The following AGO1 variants were observed in gnomAD, a reference collection of about 807,000 sequenced individuals.
AGO1 encodes protein argonaute-1.
A neutral mutation model predicts 109.2 loss-of-function variants in AGO1; 11 were observed. That is an observed-to-expected ratio of 0.10 (90% CI 0.06 to 0.17). The LOEUF (loss-of-function observed/expected upper bound fraction) is 0.17, where lower values mean the gene tolerates loss of function less well. Among genes scored for constraint, AGO1 ranks in the 10% least tolerant of loss-of-function variants. The pLI is 1.00. For synonymous variants in AGO1, 422 were observed against 418.6 expected (o/e 1.01, Z -0.10); for missense variants, 574 against 1,140.3 (o/e 0.50, Z 7.15).
chr1:35,918,348 T>G lies in AGO1; in HGVS notation c.2190T>G (p.Ala730=). 1 of 1,614,140 alleles carries G rather than the reference T, an allele frequency of 6.2e-7. No individual in the cohort carries two copies. Among genetic ancestry groups the G allele is most frequent in the East Asian group, 2.2e-5 (1 of 44,882 alleles). The change falls in exon 17 of 19, where the codon GCT becomes GCG. Residue 730 remains alanine (A), a synonymous_variant. Transcript: ENST00000373204. ...TTGGGAAGAGTGGTAACATCCCAGC[T>G]GGGACCACAGTGGACACCAACATCA... ...ERIGKSGNIP[A]GTTVDTNITH...
rs1342434963 is a variant in AGO1 at position 35,922,389 on chromosome 1, G to T, written c.*2782G>T. The stretch of plus-strand genomic sequence containing the variant: ...TGGTGCATGCAGATGGAGAAGTGGT[G>T]TTGGCAGCAAGCTTTGGCTCATGTG... On this transcript the variant is annotated 3_prime_UTR_variant, in exon 19 of 19. Transcript: ENST00000373204. 1 of 152,294 alleles carries T rather than the reference G, an allele frequency of 6.6e-6. No homozygotes were observed. The highest frequency in any genetic ancestry group is 6.5e-5 in the Admixed American group (1 of 15,292). 9.4% of individuals were successfully genotyped at this position (152,294 alleles called of 1,614,324 possible).
chr1:35,905,584 A>C (rs1645505044), intron 11 of AGO1, among the ~76,000 whole-genome samples: 1 of 151,986 alleles, frequency 6.6e-6, no homozygotes, highest in South Asian at 2.1e-4. Flanking sequence ...CTCCTGCCTC[A>C]GCCTCCTGAG....
intron 2 of AGO1, among the ~76,000 whole-genome samples, chr1:35,889,922 C>G (rs1309596099): frequency 1.3e-5 from 2 of 152,062 alleles, no homozygotes; most frequent in Non-Finnish European, 2.9e-5. Context: ...ACCATGTTGA[C>G]CAGGCTGGTC....
upstream of AGO1, among the ~76,000 whole-genome samples, chr1:35,880,364 A>G (rs956257647): frequency 2.0e-5 from 3 of 152,228 alleles, no homozygotes; most frequent in South Asian, 6.2e-4. Context: ...AGCCTGGGCA[A>G]TATAGCGAGA....
At position 35,893,385 on chromosome 1, in the gene AGO1, AT is replaced by A; in HGVS notation, c.512+109del. ...CCACAGAGTGCCATTAAAAAAAAAA[AT>A]TATTTGAAGCCCTACCACTTGCCAG... On this transcript the variant is annotated intron_variant, in intron 4 of 18. Transcript: ENST00000373204. The surrounding 1 kb of genome is among the most constrained non-coding windows in gnomAD (Gnocchi z 5.6). 8.0e-7 allele frequency: 1 copy of A among 1,244,720 alleles called. No homozygotes were observed. Among genetic ancestry groups the A allele is most frequent in the Non-Finnish European group, 1.1e-6 (1 of 904,318 alleles). 77.1% of individuals were successfully genotyped at this position (1,244,720 alleles called of 1,614,324 possible).
Position 35,929,884 on chromosome 1 carries a change from T to A in AGO1, c.*10277T>A, listed in dbSNP as rs999103079. 1.3e-5 allele frequency: 2 copies of A among 152,182 alleles called. No individual in the cohort carries two copies. Among genetic ancestry groups the A allele is most frequent in the East Asian group, 3.8e-4 (2 of 5,202 alleles). 9.4% of individuals were successfully genotyped at this position (152,182 alleles called of 1,614,324 possible). A position where few individuals can be genotyped will look rare whatever the true frequency, so the allele number is the denominator to read the frequency against. ...ACTGTGTAAGGTACATGCTGTTCTC[T>A]CAATTTTTCAGATAAGAAAATTGAA... On this transcript the variant is annotated 3_prime_UTR_variant, in exon 19 of 19. Coordinates refer to ENST00000373204, the MANE Select transcript of AGO1 (RefSeq NM_012199.5).
chr1:35,898,653 A>G lies in AGO1; in HGVS notation c.1021-2821A>G, dbSNP rs1023890124. Among the ~76,000 whole-genome samples, 4 of 152,212 alleles carry G rather than the reference A, an allele frequency of 2.6e-5. No individual in the cohort carries two copies. In the East Asian group the frequency reaches 7.7e-4, roughly 29 times the overall value. On this transcript the variant is annotated intron_variant, in intron 8 of 18. Coordinates refer to ENST00000373204, the MANE Select transcript of AGO1 (RefSeq NM_012199.5). ...AGAATGACAGTTGTAATTTCTGGCC[A>G]GGTAGGATTTTATTCTAATTATAAT...
rs1645063088 is a variant in AGO1 at position 35,883,418 on chromosome 1, T to C, written c.-4T>C. On this transcript the variant is annotated 5_prime_UTR_variant, in exon 1 of 19. It removes an upstream start codon present in the reference 5' UTR. Coordinates refer to ENST00000373204, the MANE Select transcript of AGO1 (RefSeq NM_012199.5). This position sits in a 1 kb window ranked among gnomAD's most constrained non-coding sequence, Gnocchi z 5.4. ...GCCGCCTGACCTCCGCACGGGTATA[T>C]GGGATGGAAGCGGGACCCTCGGGAG... 3 of 1,576,982 alleles carry C rather than the reference T, an allele frequency of 1.9e-6. No individual in the cohort carries two copies. Among genetic ancestry groups the C allele is most frequent in the South Asian group, 1.1e-5 (1 of 87,962 alleles).
intron 15 of AGO1, 145 bp downstream of exon 15, chr1:35,915,687 C>A: frequency 1.4e-6 from 1 of 736,724 alleles, no homozygotes; most frequent in Non-Finnish European, 2.2e-6. Context: ...GCAAGGATCG[C>A]AACTGAGGGA....
At chr1:35,905,536 C>T (rs559121567) in intron 11 of AGO1, among the ~76,000 whole-genome samples, 1 of 152,102 alleles carries the variant, frequency 6.6e-6, no homozygotes, top group South Asian at 2.1e-4. Context: ...GGCGCAATCT[C>T]GGCTCACTGC....
chr1:35,875,651 A>G (rs1043239472), intron 1 of AGO1, among the ~76,000 whole-genome samples: 2 of 152,136 alleles, frequency 1.3e-5, no homozygotes, highest in African/African-American at 4.8e-5. Flanking sequence ...TGACCTAGTG[A>G]TCTGCCTGCC....
At chr1:35,884,971 G>A (rs1043280587) in intron 1 of AGO1, among the ~76,000 whole-genome samples, 1 of 151,784 alleles carries the variant, frequency 6.6e-6, no homozygotes, top group Non-Finnish European at 1.5e-5. Context: ...GAATTATTTT[G>A]TTTTTTTTGT....
intron 11 of AGO1, among the ~76,000 whole-genome samples, chr1:35,903,242 G>A (rs1286093151): frequency 6.6e-6 from 1 of 151,520 alleles, no homozygotes. Flanking sequence ...TCCTGACCTC[G>A]TGATCCTCCT....
chr1:35,902,081 T>C lies in AGO1; in HGVS notation c.1263+11T>C, dbSNP rs1011576694. 8.8e-6 allele frequency: 14 copies of C among 1,596,138 alleles called. 1 individual carries two copies. The Admixed American group carries it at 2.2e-4, about 26-fold the overall frequency. On this transcript the variant is annotated intron_variant, in intron 10 of 18. Coordinates refer to ENST00000373204, the MANE Select transcript of AGO1 (RefSeq NM_012199.5). ...CAGTACGGCGGCCGGGTGAGCAGGG[T>C]CAGGGCCAGACAACATCTCGGGGCA... is the stretch of plus-strand genomic sequence containing the variant.
intron 6 of AGO1, 65 bp from the exon 7 acceptor site, chr1:35,894,250 G>T: frequency 1.2e-6 from 2 of 1,602,828 alleles, no homozygotes; most frequent in Non-Finnish European, 1.7e-6. Flanking sequence ...ATGCTCAGGG[G>T]AGAGACCAAG....
intron 1 of AGO1, among the ~76,000 whole-genome samples, chr1:35,887,824 T>G (rs1293565184): frequency 6.6e-6 from 1 of 152,132 alleles, no homozygotes; most frequent in East Asian, 1.9e-4. Context: ...CCCCTTTCTC[T>G]TTTCCTTAGT....
chr1:35,923,985 C>T lies in AGO1; in HGVS notation c.*4378C>T, dbSNP rs913819772. On this transcript the variant is annotated 3_prime_UTR_variant, in exon 19 of 19. Coordinates refer to ENST00000373204, the MANE Select transcript of AGO1 (RefSeq NM_012199.5). ...CCAGCCTAATTGGTATGTGATGTTG[C>T]ACTTAGCAGCCATGTGGTGGGCATG... 2 of 152,650 alleles carry T rather than the reference C, an allele frequency of 1.3e-5. No homozygotes were observed. Among genetic ancestry groups the T allele is most frequent in the African/African-American group, 4.8e-5 (2 of 41,446 alleles). 9.5% of individuals were successfully genotyped at this position (152,650 alleles called of 1,614,324 possible). A position where few individuals can be genotyped will look rare whatever the true frequency, so the allele number is the denominator to read the frequency against.
At position 35,893,090 on chromosome 1, in the gene AGO1, C is replaced by T. The variant is rs762981843; in HGVS notation, c.331-7C>T. The T allele has an allele frequency of 6.2e-7, 1 of 1,613,270 alleles. No homozygotes were observed. Among genetic ancestry groups the T allele is most frequent in the Non-Finnish European group, 8.5e-7 (1 of 1,179,544 alleles). Reference sequence around the variant, plus strand: ...ATCCTTCATCCCTTTCTTTCACCCTCCTGAAGGTCGACTTTGAGGTGACAA... The same window carrying T: ...ATCCTTCATCCCTTTCTTTCACCCTTCTGAAGGTCGACTTTGAGGTGACAA... On this transcript the variant is annotated splice_polypyrimidine_tract_variant and splice_region_variant and intron_variant, in intron 3 of 18. Coordinates refer to ENST00000373204, the MANE Select transcript of AGO1 (RefSeq NM_012199.5). The surrounding 1 kb of genome is among the most constrained non-coding windows in gnomAD (Gnocchi z 5.6).
chr1:35,882,481 A>G (rs547814741), upstream of AGO1, among the ~76,000 whole-genome samples: 7 of 152,356 alleles, frequency 4.6e-5, no homozygotes, highest in Admixed American at 2.0e-4. The surrounding 1 kb of genome is among the most constrained non-coding windows in gnomAD (Gnocchi z 5.1). Context: ...CAGATGCTGC[A>G]GAGAAATAAT....
Sources: allele counts gnomAD v4.1 joint callset (sites outside exome capture counted in the v4.1 genomes callset), GRCh38; gene constraint gnomAD v4.1.1; non-coding constraint Gnocchi (gnomAD v3.1); transcripts MANE v1.5; gene names NCBI Gene and HGNC (gene_info 2026-07-23, HGNC 2026-07-21).